Variants in NR5A2 observed in about 807,000 individuals in gnomAD.
NR5A2 encodes CYP7A promoter-binding factor.
Under a neutral mutation model 62.7 loss-of-function variants are expected in NR5A2, and 26 were observed. The observed-to-expected ratio is 0.41, with a 90% CI of 0.30 to 0.58. NR5A2 has a LOEUF of 0.58. Ranked by LOEUF, NR5A2 falls within the 20% of genes least tolerant of loss-of-function variation. The probability of loss-of-function intolerance (pLI) is 0.22; values close to 1 mark genes in which losing one functional copy is unlikely to be tolerated. For missense variants in NR5A2, 541 were observed against 669.1 expected, an observed-to-expected ratio of 0.81 and a Z score of 2.11; for synonymous variants, 246 against 241.7, an observed-to-expected ratio of 1.02 and a Z score of -0.16.
intron 4 of NR5A2, among the ~76,000 whole-genome samples, chr1:200,047,343 A>G (rs1662414938): frequency 6.6e-6 from 1 of 152,182 alleles, no homozygotes; most frequent in African/African-American, 2.4e-5. Context: ...ATGATTTTCC[A>G]AGAACATGTC....
intron 7 of NR5A2, among the ~76,000 whole-genome samples, chr1:200,124,032 G>C (rs901719538): frequency 6.6e-6 from 1 of 152,042 alleles, no homozygotes; most frequent in African/African-American, 2.4e-5. Context: ...TCGAACTCCT[G>C]ACCTCAGGTG....
At chr1:200,165,254 T>G (rs552250348) in intron 7 of NR5A2, among the ~76,000 whole-genome samples, 12 of 151,122 alleles carry the variant, frequency 7.9e-5, no homozygotes, top group Non-Finnish European at 1.8e-4. Context: ...CCCGCTACTG[T>G]CAGCATTCCC....
At chr1:200,111,426 A>G in intron 6 of NR5A2, 105 bp downstream of exon 6, 3 of 1,259,320 alleles carry the variant, frequency 2.4e-6, no homozygotes, top group Non-Finnish European at 3.2e-6. Context: ...TTTGAAAGGG[A>G]GAGATTGGCT....
intron 5 of NR5A2, among the ~76,000 whole-genome samples, chr1:200,086,801 G>A (rs934111721): frequency 4.6e-5 from 7 of 152,240 alleles, no homozygotes; most frequent in Admixed American, 3.3e-4. Flanking sequence ...CACTTTGGGC[G>A]GCCAAGGCGG....
intron 4 of NR5A2, among the ~76,000 whole-genome samples, chr1:200,047,380 G>C (rs902671701): frequency 6.6e-6 from 1 of 152,120 alleles, no homozygotes; most frequent in Non-Finnish European, 1.5e-5. Flanking sequence ...TTGCAACAAG[G>C]TGGCCAAAAT....
chr1:200,118,402 T>C (rs774743944), intron 6 of NR5A2, among the ~76,000 whole-genome samples: 1 of 152,222 alleles, frequency 6.6e-6, no homozygotes, highest in South Asian at 2.1e-4. Context: ...GCTTAAATTG[T>C]TAATCTTGTC....
At chr1:200,134,227 A>G (rs1192174152) in intron 7 of NR5A2, among the ~76,000 whole-genome samples, 3 of 152,174 alleles carry the variant, frequency 2.0e-5, no homozygotes, top group African/African-American at 4.8e-5. Context: ...AATGTAGCCT[A>G]TGTGTACACT....
intron 5 of NR5A2, among the ~76,000 whole-genome samples, chr1:200,064,227 A>G (rs1484452886): frequency 1.3e-5 from 2 of 151,840 alleles, no homozygotes; most frequent in African/African-American, 4.8e-5. Flanking sequence ...TTAAAGTAGA[A>G]CCCCTCCTGA....
chr1:200,142,513 T>TAA (rs931260431), intron 7 of NR5A2, among the ~76,000 whole-genome samples: 4 of 150,552 alleles, frequency 2.7e-5, no homozygotes, highest in African/African-American at 7.3e-5. Flanking sequence ...TTCTTTTTTT[T>TAA]AAAAAAAAAT....
chr1:200,173,602 G>T (rs1654282957), intron 7 of NR5A2, among the ~76,000 whole-genome samples: 1 of 152,148 alleles, frequency 6.6e-6, no homozygotes, highest in African/African-American at 2.4e-5. Flanking sequence ...TAATATACTG[G>T]GTTAAGATAG....
intron 4 of NR5A2, among the ~76,000 whole-genome samples, chr1:200,046,292 ACAGATTGG>A (rs1218999890): frequency 6.6e-6 from 1 of 152,230 alleles, no homozygotes; most frequent in Non-Finnish European, 1.5e-5. Flanking sequence ...ACTACAATGT[ACAGATTGG>A]CAGGCAGTAA....
At chr1:200,144,354 C>T (rs1345648114) in intron 7 of NR5A2, among the ~76,000 whole-genome samples, 1 of 151,964 alleles carries the variant, frequency 6.6e-6, no homozygotes, top group African/African-American at 2.4e-5. Context: ...TCTCACCATT[C>T]TCCTTGCCCA....
chr1:200,126,186 A>G (rs1248750633), intron 7 of NR5A2, among the ~76,000 whole-genome samples: 1 of 152,140 alleles, frequency 6.6e-6, no homozygotes, highest in Admixed American at 6.5e-5. Flanking sequence ...TTTGGAAGGA[A>G]AAAAACAGTA....
chr1:200,083,259 TACTC>T (rs1396771681), intron 5 of NR5A2, among the ~76,000 whole-genome samples: 2 of 152,206 alleles, frequency 1.3e-5, no homozygotes, highest in Non-Finnish European at 2.9e-5. Context: ...AAATTTATAA[TACTC>T]AGCTTATTTA....
intron 7 of NR5A2, among the ~76,000 whole-genome samples, chr1:200,128,770 C>T (rs1001134147): frequency 7.9e-5 from 12 of 151,980 alleles, no homozygotes; most frequent in African/African-American, 2.2e-4. Context: ...TACAGCCGTC[C>T]GCTTTCCTGA....
At chr1:200,109,947 T>C (rs1480601608) in intron 5 of NR5A2, among the ~76,000 whole-genome samples, 1 of 152,150 alleles carries the variant, frequency 6.6e-6, no homozygotes, top group East Asian at 1.9e-4. Context: ...GTATTTTTAG[T>C]AGAGACAGGG....
rs536749269 is a variant in NR5A2, at chr1:200,094,690, G to A, written c.1111-16512G>A. On this transcript the variant is annotated intron_variant, in intron 5 of 7. Coordinates refer to ENST00000367362, the MANE Select transcript of NR5A2 (RefSeq NM_205860.3). ...TGGGACTACAGGCACCTGCCACCAC[G>A]CCTGACTTATTTTTTGTATTTTTAG... is the stretch of plus-strand genomic sequence containing the variant. 1.6e-4 allele frequency among the ~76,000 whole-genome samples: 24 copies of A among 151,472 alleles called. No individual in the cohort carries two copies. In the East Asian group the frequency reaches 3.1e-3, roughly 20 times the overall value.
At chr1:200,131,748 A>G (rs1437376429) in intron 7 of NR5A2, among the ~76,000 whole-genome samples, 1 of 152,212 alleles carries the variant, frequency 6.6e-6, no homozygotes. Context: ...CTGTTCTACA[A>G]TGGACCAAAT....
chr1:200,040,528 T>C (rs1414177153), intron 2 of NR5A2, among the ~76,000 whole-genome samples: 1 of 151,282 alleles, frequency 6.6e-6, no homozygotes, highest in East Asian at 1.9e-4. Flanking sequence ...TCCCGCTGGC[T>C]ACATTTTCTC....
Sources: gnomAD v4.1 joint callset for allele counts (sites outside exome capture counted in the v4.1 genomes callset) on GRCh38, gnomAD v4.1.1 for gene constraint, MANE v1.5 for transcripts, NCBI Gene and HGNC (gene_info 2026-07-23, HGNC 2026-07-21) for gene names.